PTPRD: variants seen among roughly 807,000 people sequenced by gnomAD.
PTPRD encodes the protein receptor-type tyrosine-protein phosphatase delta.
A neutral mutation model predicts 214.5 loss-of-function variants in PTPRD; 34 were observed. The ratio of observed to expected loss-of-function variants is 0.16; its 90% confidence interval spans 0.12 to 0.21. PTPRD has a LOEUF of 0.21. Among genes scored for constraint, PTPRD ranks in the 10% least tolerant of loss-of-function variants. The pLI, the probability that PTPRD is intolerant of heterozygous loss-of-function variation, is 1.00. For synonymous variants in PTPRD, 1,128 were observed against 845.7 expected, an observed-to-expected ratio of 1.33 and a Z score of -5.79; for missense variants, 2,545 against 2,398.7, an observed-to-expected ratio of 1.06 and a Z score of -1.27.
At chr9:8,686,061 C>G (rs2097674952) in intron 12 of PTPRD, among the ~76,000 whole-genome samples, 1 of 152,186 alleles carries the variant, frequency 6.6e-6, no homozygotes, top group Admixed American at 6.5e-5. Context: ...AGGGAGTCAA[C>G]AGTCCTCTGA....
intron 5 of PTPRD, among the ~76,000 whole-genome samples, chr9:9,769,480 C>A (rs1343397000): frequency 6.6e-6 from 1 of 151,898 alleles, no homozygotes; most frequent in Non-Finnish European, 1.5e-5. Flanking sequence ...TGCCCGCCAC[C>A]ACACCCGGCT....
chr9:8,946,363 C>T lies in PTPRD; in HGVS notation c.-104+72334G>A, dbSNP rs533753035. Reference sequence around the variant, plus strand: ...CAAGGAGGCAGCAGTATATAGGTTTCGAGGGTTTTGTTGGAGTACTGGCTC... The same window carrying T: ...CAAGGAGGCAGCAGTATATAGGTTTTGAGGGTTTTGTTGGAGTACTGGCTC... On this transcript the variant is annotated intron_variant, in intron 11 of 45. Coordinates refer to ENST00000381196, the MANE Select transcript of PTPRD (RefSeq NM_002839.4). Among the ~76,000 whole-genome samples, 211 of 152,140 alleles carry T rather than the reference C, an allele frequency of 1.4e-3. 2 individuals are homozygous for T. Among genetic ancestry groups the T allele is most frequent in the Middle Eastern group, 0.01 (3 of 294 alleles).
intron 6 of PTPRD, among the ~76,000 whole-genome samples, chr9:9,735,004 CAAT>C (rs1032150448): frequency 2.6e-5 from 4 of 151,974 alleles, no homozygotes; most frequent in African/African-American, 9.7e-5. Flanking sequence ...CTGGCTATGA[CAAT>C]AATTAGTTCT....
chr9:9,998,146 A>ATATATATATATATATATATATATAT (rs1566998658), intron 4 of PTPRD, among the ~76,000 whole-genome samples: 5 of 137,738 alleles, frequency 3.6e-5, no homozygotes, highest in African/African-American at 1.4e-4. Flanking sequence ...ATATATATAT[A>ATATATATATATATATATATATATAT]AAAGAAGAAG....
chr9:8,899,156 G>C (rs544032111), intron 11 of PTPRD, among the ~76,000 whole-genome samples: 8 of 152,058 alleles, frequency 5.3e-5, no homozygotes, highest in Non-Finnish European at 1.2e-4. Flanking sequence ...TTATCTGCTG[G>C]GCAGGGCTTA....
chr9:9,234,957 G>T (rs1239074993), intron 9 of PTPRD, among the ~76,000 whole-genome samples: 1 of 152,126 alleles, frequency 6.6e-6, no homozygotes, highest in Non-Finnish European at 1.5e-5. Flanking sequence ...TATCTTTACA[G>T]CAATGCCCCA....
intron 9 of PTPRD, among the ~76,000 whole-genome samples, chr9:9,360,573 G>C (rs1221097528): frequency 6.6e-6 from 1 of 151,004 alleles, no homozygotes; most frequent in Non-Finnish European, 1.5e-5. Flanking sequence ...AAGTAAAGCT[G>C]ATAATGAGAA....
intron 30 of PTPRD, among the ~76,000 whole-genome samples, chr9:8,478,504 T>A (rs1254567989): frequency 6.6e-6 from 1 of 151,170 alleles, no homozygotes; most frequent in Non-Finnish European, 1.5e-5. Flanking sequence ...TCTGGTAGTT[T>A]TTTCTCCTAG....
intron 12 of PTPRD, among the ~76,000 whole-genome samples, chr9:8,643,355 AG>A (rs1179244316): frequency 6.6e-6 from 1 of 151,932 alleles, no homozygotes; most frequent in Non-Finnish European, 1.5e-5. Flanking sequence ...GAAGGGAGGG[AG>A]GGAAGGAAGG....
At chr9:8,929,731 G>GTGTATATATATGTGTATATATA (rs2098932185) in intron 11 of PTPRD, among the ~76,000 whole-genome samples, 1 of 112,810 alleles carries the variant, frequency 8.9e-6, no homozygotes, top group African/African-American at 4.0e-5. Flanking sequence ...ATATATATAT[G>GTGTATATATATGTGTATATATA]TGTATATATA....
chr9:9,446,468 C>T (rs1332212), intron 8 of PTPRD, among the ~76,000 whole-genome samples: 130,345 of 152,164 alleles, frequency 0.86, 55,932 homozygotes, highest in Middle Eastern at 0.94. Flanking sequence ...CTGAGACTTT[C>T]GTGAGGTTTT....
At chr9:10,278,910 G>A (rs1485028014) in intron 3 of PTPRD, among the ~76,000 whole-genome samples, 2 of 152,036 alleles carry the variant, frequency 1.3e-5, no homozygotes, top group Admixed American at 1.3e-4. Flanking sequence ...GAGTAGCTGG[G>A]ACTACAGGCA....
At chr9:8,996,077 T>C (rs187481937) in intron 11 of PTPRD, among the ~76,000 whole-genome samples, 45 of 152,222 alleles carry the variant, frequency 3.0e-4, no homozygotes, top group African/African-American at 1.1e-3. Flanking sequence ...ATACACTTTA[T>C]ATGCAACTTA....
At chr9:10,605,000 C>A (rs1365035310) in intron 2 of PTPRD, among the ~76,000 whole-genome samples, 1 of 151,730 alleles carries the variant, frequency 6.6e-6, no homozygotes, top group African/African-American at 2.4e-5. Context: ...AAACTTAAGT[C>A]ATAGATGTTT....
At chr9:9,887,815 C>G (rs16930509) in intron 5 of PTPRD, among the ~76,000 whole-genome samples, 27,686 of 151,900 alleles carry the variant, frequency 0.18, 3,097 homozygotes, top group African/African-American at 0.32. Context: ...AATACTCTTT[C>G]GTACACTGAT....
chr9:9,885,451 G>C (rs2070490265), intron 5 of PTPRD, among the ~76,000 whole-genome samples: 1 of 152,050 alleles, frequency 6.6e-6, no homozygotes, highest in Non-Finnish European at 1.5e-5. Context: ...AGGCTTCTAA[G>C]GATCTGAGGA....
chr9:8,645,871 T>C (rs2096676402), intron 12 of PTPRD, among the ~76,000 whole-genome samples: 1 of 152,030 alleles, frequency 6.6e-6, no homozygotes, highest in Non-Finnish European at 1.5e-5. Context: ...GTTTTTGGCA[T>C]ATTCACTCTC....
intron 3 of PTPRD, among the ~76,000 whole-genome samples, chr9:10,255,995 C>T (rs1419654554): frequency 6.6e-6 from 1 of 152,152 alleles, no homozygotes; most frequent in East Asian, 1.9e-4. Flanking sequence ...ACTGCCTGAG[C>T]TCCACCTCCT....
At chr9:10,132,516 T>C (rs904573986) in intron 3 of PTPRD, among the ~76,000 whole-genome samples, 2 of 151,912 alleles carry the variant, frequency 1.3e-5, no homozygotes, top group African/African-American at 2.4e-5. Flanking sequence ...AGATACAGAA[T>C]GCTTCTTAAG....
Sources: allele counts gnomAD v4.1 joint callset (sites outside exome capture counted in the v4.1 genomes callset), GRCh38; gene constraint gnomAD v4.1.1; transcripts MANE v1.5; gene names NCBI Gene and HGNC (gene_info 2026-07-23, HGNC 2026-07-21).